Variants in GLIS1 observed in about 807,000 individuals in gnomAD.
The protein encoded by GLIS1 is zinc finger protein GLIS1.
In GLIS1, 24 loss-of-function variants were observed where a neutral mutation model predicts 63.8. The observed-to-expected ratio is 0.38, with a 90% CI of 0.27 to 0.53. GLIS1 has a LOEUF of 0.53. GLIS1 is among the 20% of genes least tolerant of loss of function. The pLI is 0.85. For synonymous variants in GLIS1, 450 were observed against 482.5 expected, an observed-to-expected ratio of 0.93 and a Z score of 0.88; for missense variants, 1,036 against 1,074.1, an observed-to-expected ratio of 0.96 and a Z score of 0.50.
In GLIS1 at chr1:53,526,969, C is replaced by A. The variant is rs1002292428; in HGVS notation, c.1483-2082G>T. On this transcript the variant is annotated intron_variant, in intron 5 of 10. Transcript: ENST00000628545. This position sits in a 1 kb window ranked among gnomAD's most constrained non-coding sequence, Gnocchi z 4.4. ...AATGAGGACGCTCCGGGTGAGTCTG[C>A]CGTGCGGAGCCCCTGCCCGTCTGCA... Among the ~76,000 whole-genome samples, 2 of 152,352 alleles carry A rather than the reference C, an allele frequency of 1.3e-5. No individual in the cohort carries two copies. The highest frequency in any genetic ancestry group is 1.3e-4 in the Admixed American group (2 of 15,310).
At chr1:53,679,139 C>T (rs1646247566) in intron 2 of GLIS1, among the ~76,000 whole-genome samples, 1 of 152,096 alleles carries the variant, frequency 6.6e-6, no homozygotes, top group Non-Finnish European at 1.5e-5. Flanking sequence ...CCCACTTCAT[C>T]TCCCTCCACT....
At position 53,594,552 on chromosome 1, in the gene GLIS1, G is replaced by A. The variant is rs1645231405; in HGVS notation, c.876C>T (p.Ser292=). The part of the protein sequence containing the change: ...PPLTGDLGGP[S]KRARPGPAST... ...ATGCAGGGCCAGGCCGGGCCCGCTT[G>A]GAAGGGCCCCCCAGATCTCCCGTCA... Residue 292 remains serine (S), a synonymous_variant, in exon 4 of 11, where the codon TCC becomes TCT. Coordinates refer to ENST00000628545, the MANE Select transcript of GLIS1 (RefSeq NM_001367484.1). 6.2e-7 allele frequency: 1 copy of A among 1,602,812 alleles called. No individual in the cohort carries two copies. The highest frequency in any genetic ancestry group is 8.5e-7 in the Non-Finnish European group (1 of 1,171,808).
Position 53,599,366 on chromosome 1 carries a change from G to C in GLIS1, c.437+735C>G, listed in dbSNP as rs189167364. Among the ~76,000 whole-genome samples, 788 of 152,294 alleles carry C rather than the reference G, an allele frequency of 5.2e-3. 10 individuals are homozygous for C. Among genetic ancestry groups the C allele is most frequent in the African/African-American group, 0.017 (715 of 41,550 alleles). On this transcript the variant is annotated intron_variant, in intron 3 of 10. Coordinates refer to ENST00000628545, the MANE Select transcript of GLIS1 (RefSeq NM_001367484.1). ...ACTGGTGCCTTTATAAGACGAAAGA[G>C]ACCCGAGCTAGCGTGTTCAGCCCCC...
At chr1:53,687,294 C>T (rs1234176038) in intron 2 of GLIS1, among the ~76,000 whole-genome samples, 1 of 152,240 alleles carries the variant, frequency 6.6e-6, no homozygotes, top group Non-Finnish European at 1.5e-5. Flanking sequence ...ACCACCCGCC[C>T]ACCTGGGTCT....
chr1:53,559,699 A>AC (rs1644867514), intron 4 of GLIS1, among the ~76,000 whole-genome samples: 1 of 151,612 alleles, frequency 6.6e-6, no homozygotes, highest in Non-Finnish European at 1.5e-5. Flanking sequence ...CACGCCCTGC[A>AC]CCCCCTGGCC....
chr1:53,578,805 G>C (rs1645056858), intron 4 of GLIS1, among the ~76,000 whole-genome samples: 1 of 152,090 alleles, frequency 6.6e-6, no homozygotes, highest in Admixed American at 6.5e-5. Context: ...CAATGATAAG[G>C]AACAAAATCA....
rs374178708 is a variant in GLIS1, at chr1:53,567,062, T to C, written c.1320+27046A>G. On this transcript the variant is annotated intron_variant, in intron 4 of 10. Transcript: ENST00000628545. ...GGGCTCAGAAGAAGATAGGAAGATA[T>C]GGGAAAGTTCGGAACTTCCTAGAGA... 1.4e-4 allele frequency among the ~76,000 whole-genome samples: 22 copies of C among 152,296 alleles called. No individual in the cohort carries two copies. The East Asian group carries it at 1.9e-3, about 13-fold the overall frequency.
intron 2 of GLIS1, among the ~76,000 whole-genome samples, chr1:53,641,238 G>A (rs1645784132): frequency 6.6e-6 from 1 of 152,104 alleles, no homozygotes; most frequent in Non-Finnish European, 1.5e-5. Flanking sequence ...CTGGACCTTG[G>A]GCAAGTCCTT....
intron 2 of GLIS1, among the ~76,000 whole-genome samples, chr1:53,696,122 T>A (rs1646462829): frequency 6.6e-6 from 1 of 152,238 alleles, no homozygotes; most frequent in African/African-American, 2.4e-5. Context: ...TTCCCTCCCC[T>A]CAGGGAGCTG....
rs534242290 is a variant in GLIS1, at chr1:53,620,273, G to A, written c.260-19995C>T. On this transcript the variant is annotated intron_variant, in intron 2 of 10. Coordinates refer to ENST00000628545, the MANE Select transcript of GLIS1 (RefSeq NM_001367484.1). ...GTTAGGGCTGACCTGTACTTCTGAC[G>A]CCAGCTCAGTGCCCCAGCATCTTGT... Among the ~76,000 whole-genome samples, 8 of 152,302 alleles carry A rather than the reference G, an allele frequency of 5.3e-5. No homozygotes were observed. In the South Asian group the frequency reaches 1.5e-3, roughly 28 times the overall value.
Position 53,590,250 on chromosome 1 carries a change from G to A in GLIS1, c.1320+3858C>T, listed in dbSNP as rs1238096627. Among the ~76,000 whole-genome samples the A allele has an allele frequency of 3.3e-5, 5 of 152,136 alleles. No homozygotes were observed. The South Asian group carries it at 6.2e-4, about 19-fold the overall frequency. On this transcript the variant is annotated intron_variant, in intron 4 of 10. Coordinates refer to ENST00000628545, the MANE Select transcript of GLIS1 (RefSeq NM_001367484.1). ...ATCGAGTATGCTGTAGTTCAGAAAGGGTAAGTCACCAGCACGAGGTCACAC... is the reference window on the plus strand; with the variant it reads ...ATCGAGTATGCTGTAGTTCAGAAAGAGTAAGTCACCAGCACGAGGTCACAC...
chr1:53,639,019 TCA>T lies in GLIS1; in HGVS notation c.260-38743_260-38742del, dbSNP rs1374057235. On this transcript the variant is annotated intron_variant, in intron 2 of 10. Transcript: ENST00000628545. This position sits in a 1 kb window ranked among gnomAD's most constrained non-coding sequence, Gnocchi z 4.6. ...GATGACGCCAAGGTCTTCCAGTTTC[TCA>T]GAGTGGTTGACAGCACCGGCCCCTG... 6.6e-6 allele frequency among the ~76,000 whole-genome samples: 1 copy of T among 152,096 alleles called. No homozygotes were observed. The highest frequency in any genetic ancestry group is 1.5e-5 in the Non-Finnish European group (1 of 68,022).
intron 2 of GLIS1, among the ~76,000 whole-genome samples, chr1:53,682,700 G>A (rs1237565023): frequency 6.6e-6 from 1 of 152,258 alleles, no homozygotes; most frequent in Non-Finnish European, 1.5e-5. Context: ...TCTAGGAGGA[G>A]CTGCCTTTCA....
At position 53,512,856 on chromosome 1, in the gene GLIS1, G is replaced by A. The variant is rs116680685; in HGVS notation, c.1883+1769C>T. On this transcript the variant is annotated intron_variant, in intron 8 of 10. Coordinates refer to ENST00000628545, the MANE Select transcript of GLIS1 (RefSeq NM_001367484.1). ...TTTCCTTTGGTTGGAGATGTTTTTC[G>A]GCTGGTTGGTGGGTGAGCAGGTGGC... is the stretch of plus-strand genomic sequence containing the variant. Among the ~76,000 whole-genome samples, 879 of 151,644 alleles carry A rather than the reference G, an allele frequency of 5.8e-3. 6 individuals are homozygous for A. The highest frequency in any genetic ancestry group is 0.02 in the African/African-American group (819 of 41,106).
chr1:53,617,319 T>C (rs1248928243), intron 2 of GLIS1, among the ~76,000 whole-genome samples: 1 of 152,190 alleles, frequency 6.6e-6, no homozygotes, highest in African/African-American at 2.4e-5. Flanking sequence ...TTGCCAGATA[T>C]TCAACTATCT....
At chr1:53,606,292 G>C (rs568252259) in intron 2 of GLIS1, among the ~76,000 whole-genome samples, 1 of 152,292 alleles carries the variant, frequency 6.6e-6, no homozygotes, top group East Asian at 1.9e-4. Flanking sequence ...GCAGCCCTAG[G>C]CCAACGGAGT....
At chr1:53,681,260 C>G (rs1360204694) in intron 2 of GLIS1, among the ~76,000 whole-genome samples, 1 of 152,268 alleles carries the variant, frequency 6.6e-6, no homozygotes, top group Non-Finnish European at 1.5e-5. Context: ...AGATGGCATG[C>G]TCTTCTCCAG....
intron 2 of GLIS1, among the ~76,000 whole-genome samples, chr1:53,658,023 G>C (rs1324973788): frequency 6.6e-6 from 1 of 152,010 alleles, no homozygotes; most frequent in Non-Finnish European, 1.5e-5. Context: ...AAGCCCTGTG[G>C]GGTCTTGATC....
chr1:53,733,802 G>T, intron 2 of GLIS1: 3 of 598,902 alleles, frequency 5.0e-6, no homozygotes, highest in Non-Finnish European at 6.3e-6. Flanking sequence ...ATTTGGATCT[G>T]ATTATTTCCG....
Sources: gnomAD v4.1 joint callset for allele counts (sites outside exome capture counted in the v4.1 genomes callset) on GRCh38, gnomAD v4.1.1 for gene constraint, Gnocchi (gnomAD v3.1) non-coding constraint, MANE v1.5 for transcripts, NCBI Gene and HGNC (gene_info 2026-07-23, HGNC 2026-07-21) for gene names.